The following ASH1L variants were observed in gnomAD, a reference collection of about 807,000 sequenced individuals.
ASH1L encodes ASH1 like histone lysine methyltransferase.
Under a neutral mutation model 269.0 loss-of-function variants are expected in ASH1L, and 23 were observed. That is an observed-to-expected ratio of 0.09 (90% confidence interval 0.06 to 0.12). The LOEUF is 0.12. ASH1L is among the 10% of genes least tolerant of loss of function. The pLI, the probability that ASH1L is intolerant of heterozygous loss-of-function variation, is 1.00. For synonymous variants in ASH1L, 1,187 were observed against 1,253.5 expected, an observed-to-expected ratio of 0.95 and a Z score of 1.12; for missense variants, 2,912 against 3,567.8, an observed-to-expected ratio of 0.82 and a Z score of 4.68.
At chr1:155,403,207 G>A (rs1327946047) in intron 6 of ASH1L, among the ~76,000 whole-genome samples, 1 of 151,932 alleles carries the variant, frequency 6.6e-6, no homozygotes, top group Non-Finnish European at 1.5e-5. Flanking sequence ...AGAGCTGGTG[G>A]TGGTGCAAAT....
chr1:155,349,714 T>C, intron 17 of ASH1L, 118 bp from the exon 18 acceptor site: 4 of 765,434 alleles, frequency 5.2e-6, no homozygotes, highest in Non-Finnish European at 5.8e-6. Flanking sequence ...CAAGTCTTTT[T>C]TTTTTTTTTT....
At chr1:155,379,523 G>T (rs1241082257) in intron 8 of ASH1L, among the ~76,000 whole-genome samples, 2 of 152,116 alleles carry the variant, frequency 1.3e-5, no homozygotes, top group African/African-American at 4.8e-5. Flanking sequence ...TTCAATTTGG[G>T]AAGCAAGAGA....
Position 155,338,074 on chromosome 1 carries a change from C to T in ASH1L, c.8803+15G>A, listed in dbSNP as rs759671058. On this transcript the variant is annotated intron_variant, in intron 27 of 27. Coordinates refer to ENST00000392403, the MANE Select transcript of ASH1L (RefSeq NM_018489.3). Reference sequence around the variant, plus strand: ...ATTTATCTTAAACCCTAGATATGAACCTGATTCTTCTTACCATTTTTTCCA... The same window carrying T: ...ATTTATCTTAAACCCTAGATATGAATCTGATTCTTCTTACCATTTTTTCCA... 1.4e-4 allele frequency: 226 copies of T among 1,610,100 alleles called. 1 individual carries two copies. In the Admixed American group the frequency reaches 3.7e-3, roughly 26 times the overall value.
chr1:155,359,927 G>A (rs532110180), intron 13 of ASH1L, among the ~76,000 whole-genome samples: 6 of 149,152 alleles, frequency 4.0e-5, no homozygotes, highest in African/African-American at 7.4e-5. Flanking sequence ...TTGCTTTGTC[G>A]CCCAGGCTGG....
intron 4 of ASH1L, among the ~76,000 whole-genome samples, chr1:155,445,253 T>C (rs866677387): frequency 5.3e-5 from 8 of 151,876 alleles, no homozygotes; most frequent in South Asian, 2.1e-4. Flanking sequence ...GCGTGATCAC[T>C]GCTCACTGCA....
At chr1:155,341,842 A>C (rs1570940822) in intron 25 of ASH1L, 94 bp downstream of exon 25, 1 of 1,320,572 alleles carries the variant, frequency 7.6e-7, no homozygotes, top group Non-Finnish European at 1.1e-6. Context: ...TTGGATGAAG[A>C]AGCAGAGAAC....
intron 3 of ASH1L, among the ~76,000 whole-genome samples, chr1:155,471,115 A>T (rs956925849): frequency 1.3e-5 from 2 of 152,248 alleles, no homozygotes; most frequent in Non-Finnish European, 2.9e-5. Context: ...TTTCTATTAG[A>T]AAATCAAGTC....
Position 155,343,718 on chromosome 1 carries a change from T to A in ASH1L, c.8006A>T (p.Asp2669Val). The A allele has an allele frequency of 1.2e-6, 2 of 1,614,114 alleles. No individual in the cohort carries two copies. Among genetic ancestry groups the A allele is most frequent in the Non-Finnish European group, 1.7e-6 (2 of 1,180,012 alleles). ...GTGGCCATCAGGGGTGCGCCGACTATCCCTCATCAGATACACACAGTCACC... is the reference window on the plus strand; with the variant it reads ...GTGGCCATCAGGGGTGCGCCGACTAACCCTCATCAGATACACACAGTCACC... The part of the protein sequence containing the change: ...RQGDCVYLMR[D>V]SRRTPDGHPV... The change falls in exon 23 of 28, where the codon GAT becomes GTT. Residue 2669 changes from aspartate (D) to valine (V), a missense_variant. Asp to Val is a radical substitution (Grantham distance 152, BLOSUM62 -3). Coordinates refer to ENST00000392403, the MANE Select transcript of ASH1L (RefSeq NM_018489.3). The surrounding 1 kb of genome is among the most constrained non-coding windows in gnomAD (Gnocchi z 6.1).
Position 155,357,768 on chromosome 1 carries a change from A to AT in ASH1L, c.6796-20dup. ...AAAGTTGCTTTGAAGGGAGAGAATA[A>AT]TTTTTTTATTTTTATTTTTTTAAGG... On this transcript the variant is annotated intron_variant, in intron 13 of 27. Coordinates refer to ENST00000392403, the MANE Select transcript of ASH1L (RefSeq NM_018489.3). 1.3e-6 allele frequency: 2 copies of AT among 1,592,766 alleles called. No homozygotes were observed. Among genetic ancestry groups the AT allele is most frequent in the South Asian group, 1.1e-5 (1 of 87,196 alleles).
intron 6 of ASH1L, among the ~76,000 whole-genome samples, chr1:155,400,343 A>G (rs1020654294): frequency 2.0e-5 from 3 of 152,052 alleles, no homozygotes; most frequent in African/African-American, 7.2e-5. Context: ...AAAAAAAAAA[A>G]GAGGACATAT....
chr1:155,509,803 G>A (rs1229894940), intron 2 of ASH1L, among the ~76,000 whole-genome samples: 13 of 150,990 alleles, frequency 8.6e-5, no homozygotes, highest in African/African-American at 2.7e-4. Flanking sequence ...CATCTCAAAT[G>A]ATAATAATAA....
intron 2 of ASH1L, among the ~76,000 whole-genome samples, chr1:155,494,257 T>C (rs1403575499): frequency 2.0e-5 from 3 of 152,178 alleles, no homozygotes; most frequent in Non-Finnish European, 4.4e-5. Context: ...AGCCAGGAGC[T>C]TGTCTGTTTA....
intron 5 of ASH1L, chr1:155,433,725 C>T (rs768005674): frequency 5.6e-6 from 9 of 1,600,892 alleles, no homozygotes; most frequent in Middle Eastern, 1.6e-4. Context: ...TTCAGCCAAA[C>T]GACCATCTGC....
intron 10 of ASH1L, among the ~76,000 whole-genome samples, chr1:155,376,716 A>G (rs1251975172): frequency 6.8e-6 from 1 of 147,856 alleles, no homozygotes; most frequent in Non-Finnish European, 1.5e-5. Context: ...TTAGCCAGGC[A>G]TGGTGGGGGG....
At chr1:155,494,467 GAC>G (rs1357161915) in intron 2 of ASH1L, among the ~76,000 whole-genome samples, 8 of 152,178 alleles carry the variant, frequency 5.3e-5, no homozygotes, top group South Asian at 4.1e-4. Context: ...GGAAAAGACA[GAC>G]AATTGCAGAG....
At chr1:155,399,565 G>C (rs1017502309) in intron 6 of ASH1L, among the ~76,000 whole-genome samples, 1 of 152,044 alleles carries the variant, frequency 6.6e-6, no homozygotes, top group African/African-American at 2.4e-5. Flanking sequence ...CTTGAACACA[G>C]GAGACAGAGG....
chr1:155,488,696 A>AT (rs1666523189), intron 2 of ASH1L, among the ~76,000 whole-genome samples: 1 of 147,430 alleles, frequency 6.8e-6, no homozygotes, highest in South Asian at 2.1e-4. Context: ...AAAAAAAAAA[A>AT]AGATTTTGAA....
At chr1:155,517,624 C>T (rs541852932) in intron 2 of ASH1L, among the ~76,000 whole-genome samples, 265 of 146,340 alleles carry the variant, frequency 1.8e-3, no homozygotes, top group Non-Finnish European at 2.9e-3. Flanking sequence ...GCCTAGGCGA[C>T]AGAGTAAGAC....
Position 155,533,101 on chromosome 1 carries a change from G to A in ASH1L, c.-99-11483C>T, listed in dbSNP as rs1288666148. ...CCCCATCTATTTTCAGGGGTAGAAAGGGAATAGCCATGCTTTGATGGAACA... is the reference window on the plus strand; with the variant it reads ...CCCCATCTATTTTCAGGGGTAGAAAAGGAATAGCCATGCTTTGATGGAACA... On this transcript the variant is annotated intron_variant, in intron 1 of 27. Transcript: ENST00000392403. Among the ~76,000 whole-genome samples the A allele has an allele frequency of 2.0e-5, 3 of 151,708 alleles. No homozygotes were observed. In the South Asian group the frequency reaches 6.2e-4, roughly 31 times the overall value.
Sources: gnomAD v4.1 joint callset for allele counts (sites outside exome capture counted in the v4.1 genomes callset) on GRCh38, gnomAD v4.1.1 for gene constraint, Gnocchi (gnomAD v3.1) non-coding constraint, MANE v1.5 for transcripts, NCBI Gene and HGNC (gene_info 2026-07-23, HGNC 2026-07-21) for gene names.